Variants in CELSR1 observed in about 807,000 individuals in gnomAD.
The protein encoded by CELSR1 is adhesion G protein-coupled receptor C1.
CELSR1 carries 110 observed loss-of-function variants against 249.1 expected under a neutral mutation model. The ratio of observed to expected loss-of-function variants is 0.44; its 90% confidence interval spans 0.38 to 0.52. The LOEUF is 0.52. CELSR1 is among the 20% of genes least tolerant of loss of function. The pLI, the probability that CELSR1 is intolerant of heterozygous loss-of-function variation, is 0.00. For missense variants in CELSR1, 4,109 were observed against 4,296.4 expected (o/e 0.96, Z 1.22); for synonymous variants, 2,113 against 1,900.0 (o/e 1.11, Z -2.92).
Position 46,464,072 on chromosome 22 carries a change from T to C in CELSR1, c.3818A>G (p.Gln1273Arg). The change falls in exon 2 of 35, where the codon CAG becomes CGG. Residue 1273 changes from glutamine to arginine, a missense_variant. This residue lies in a region of CELSR1 where 141 missense variants were observed against 209.4 expected (regional missense o/e 0.67). Transcript: ENST00000674500. This position sits in a 1 kb window ranked among gnomAD's most constrained non-coding sequence, Gnocchi z 8.5. ...SALLPGGVRG[Q>R]FFPSEDLQEQ... ...CTGCAGGTCCTCCGACGGGAAGAACTGGCCGCGGACGCCGCCAGGCAGCAG... is the reference window on the plus strand; with the variant it reads ...CTGCAGGTCCTCCGACGGGAAGAACCGGCCGCGGACGCCGCCAGGCAGCAG... The C allele has an allele frequency of 3.1e-6, 5 of 1,613,798 alleles. No homozygotes were observed. Among genetic ancestry groups the C allele is most frequent in the Non-Finnish European group, 4.2e-6 (5 of 1,180,040 alleles).
rs1409417316 is a variant in CELSR1, at chr22:46,391,758, T to A, written c.6023A>T (p.His2008Leu). ...GTCGCAAGTGCGGCTGTGGGAGCCA[T>A]GGGGGAAGCAGTCGCAGGGCAGACA... Reference protein sequence around the residue: ...DTCLPCDCFPHGSHSRTCDMA... With the variant: ...DTCLPCDCFPLGSHSRTCDMA... Residue 2008 changes from histidine (H) to leucine (L), a missense_variant, in exon 15 of 35, where the codon CAT becomes CTT. His to Leu is a moderately conservative substitution (Grantham distance 99). Around this residue, in one of 7 missense-constraint regions of CELSR1, gnomAD observed 1,805 missense variants for 1,831.6 expected, o/e 0.99. Coordinates refer to ENST00000674500, the MANE Select transcript of CELSR1 (RefSeq NM_001378328.1). This position sits in a 1 kb window ranked among gnomAD's most constrained non-coding sequence, Gnocchi z 4.3. 1 of 1,612,542 alleles carries A rather than the reference T, an allele frequency of 6.2e-7. No individual in the cohort carries two copies.
intron 4 of CELSR1, among the ~76,000 whole-genome samples, 196 bp downstream of exon 4, chr22:46,435,978 C>T (rs1022189384): frequency 1.3e-5 from 2 of 152,194 alleles, no homozygotes; most frequent in African/African-American, 4.8e-5. Flanking sequence ...GGATTACAGG[C>T]GTGAGCCACC....
In CELSR1 at chr22:46,405,080, C is replaced by A. The variant is rs555893744; in HGVS notation, c.5226+3916G>T. On this transcript the variant is annotated intron_variant, in intron 9 of 34. Transcript: ENST00000674500. The stretch of plus-strand genomic sequence containing the variant: ...CCTCAGGTGATCCACCCGCCTCAGT[C>A]TCCCAAAGTGCTGGGATTACAGGCG... 1.7e-3 allele frequency among the ~76,000 whole-genome samples: 266 copies of A among 152,232 alleles called. 1 individual carries two copies. Among genetic ancestry groups the A allele is most frequent in the Non-Finnish European group, 3.2e-3 (218 of 68,008 alleles).
intron 1 of CELSR1, among the ~76,000 whole-genome samples, chr22:46,496,579 A>G (rs2080416072): frequency 6.6e-6 from 1 of 151,926 alleles, no homozygotes; most frequent in Admixed American, 6.6e-5. Context: ...AAAAATATAT[A>G]TATTTTTTCT....
Position 46,527,157 on chromosome 22 carries a change from TGGA to T in CELSR1, c.3544+6467_3544+6469del, listed in dbSNP as rs1446455262. Among the ~76,000 whole-genome samples the T allele has an allele frequency of 6.6e-6, 1 of 152,136 alleles. No homozygotes were observed. The highest frequency in any genetic ancestry group is 1.5e-5 in the Non-Finnish European group (1 of 68,010). On this transcript the variant is annotated intron_variant, in intron 1 of 34. Transcript: ENST00000674500. The surrounding 1 kb of genome is among the most constrained non-coding windows in gnomAD (Gnocchi z 5.5). ...ACTTTCCATACCACAGTGTGGCGGC[TGGA>T]AAACTGCAAGCGATGGGGCCTGCAG... is the stretch of plus-strand genomic sequence containing the variant.
intron 24 of CELSR1, among the ~76,000 whole-genome samples, chr22:46,373,325 C>CT (rs1401569735): frequency 6.6e-6 from 1 of 152,104 alleles, no homozygotes; most frequent in Admixed American, 6.5e-5. Context: ...AGACTAGTCT[C>CT]TGAGGCCATG....
rs559945152 is a variant in CELSR1, at chr22:46,412,241, G to A, written c.4612-482C>T. On this transcript the variant is annotated intron_variant, in intron 5 of 34. Coordinates refer to ENST00000674500, the MANE Select transcript of CELSR1 (RefSeq NM_001378328.1). This position sits in a 1 kb window ranked among gnomAD's most constrained non-coding sequence, Gnocchi z 4.5. ...TCGGAGGAGGCACGGCCCTACCCGC[G>A]CCTTGACTTCTAGGCACCAGACTGA... Among the ~76,000 whole-genome samples the A allele has an allele frequency of 5.9e-5, 9 of 152,248 alleles. No homozygotes were observed. The East Asian group carries it at 7.7e-4, about 13-fold the overall frequency.
intron 5 of CELSR1, among the ~76,000 whole-genome samples, chr22:46,414,277 G>A (rs532414870): frequency 2.0e-5 from 3 of 152,304 alleles, no homozygotes; most frequent in East Asian, 1.9e-4. Context: ...GACACCCACC[G>A]GCGGCCACTG....
Position 46,412,537 on chromosome 22 carries a change from C to A in CELSR1, c.4612-778G>T, listed in dbSNP as rs969543653. ...TCCCTCTCTGGGCCAGGATTGGGTA[C>A]AAGAGTTCTTCTGGAATCAGTGACC... On this transcript the variant is annotated intron_variant, in intron 5 of 34. Coordinates refer to ENST00000674500, the MANE Select transcript of CELSR1 (RefSeq NM_001378328.1). The surrounding 1 kb of genome is among the most constrained non-coding windows in gnomAD (Gnocchi z 4.5). 1.3e-5 allele frequency among the ~76,000 whole-genome samples: 2 copies of A among 152,178 alleles called. No homozygotes were observed. Among genetic ancestry groups the A allele is most frequent in the African/African-American group, 2.4e-5 (1 of 41,440 alleles).
At position 46,446,302 on chromosome 22, in the gene CELSR1, T is replaced by A. The variant is rs73890434; in HGVS notation, c.4184-6891A>T. On this transcript the variant is annotated intron_variant, in intron 2 of 34. Coordinates refer to ENST00000674500, the MANE Select transcript of CELSR1 (RefSeq NM_001378328.1). This position sits in a 1 kb window ranked among gnomAD's most constrained non-coding sequence, Gnocchi z 5.5. Reference sequence around the variant, plus strand: ...CTGGAGGCCACCCGCATCCCCTGGCTGTACCTGTCCTCTGCCTCGAGCACT... The same window carrying A: ...CTGGAGGCCACCCGCATCCCCTGGCAGTACCTGTCCTCTGCCTCGAGCACT... 0.041 allele frequency among the ~76,000 whole-genome samples: 6,276 copies of A among 152,298 alleles called. 445 individuals are homozygous for A. Among genetic ancestry groups the A allele is most frequent in the African/African-American group, 0.14 (5,842 of 41,528 alleles).
Position 46,417,151 on chromosome 22 carries a change from T to TCA in CELSR1, c.4612-5394_4612-5393dup. 6.6e-6 allele frequency among the ~76,000 whole-genome samples: 1 copy of TCA among 152,286 alleles called. No homozygotes were observed. The highest frequency in any genetic ancestry group is 2.1e-4 in the South Asian group (1 of 4,828). ...CTGTCATTTCTCAAGATGACAAAGTTCAGGCCTGTCTGGCCGACAAATGCC... is the reference window on the plus strand; with the variant it reads ...CTGTCATTTCTCAAGATGACAAAGTTCACAGGCCTGTCTGGCCGACAAATGCC... On this transcript the variant is annotated intron_variant, in intron 5 of 34. Coordinates refer to ENST00000674500, the MANE Select transcript of CELSR1 (RefSeq NM_001378328.1). The surrounding 1 kb of genome is among the most constrained non-coding windows in gnomAD (Gnocchi z 4.1).
chr22:46,486,141 G>A (rs62233274), intron 1 of CELSR1, among the ~76,000 whole-genome samples: 74,646 of 150,490 alleles, frequency 0.5, 18,712 homozygotes, highest in Admixed American at 0.55. Context: ...GGGTTTCACC[G>A]TGTTAGCCAG....
Position 46,367,014 on chromosome 22 carries a change from G to C in CELSR1, c.8184C>G (p.Thr2728=), listed in dbSNP as rs768832126. The change falls in exon 29 of 35, where the codon ACC becomes ACG. Residue 2728 remains threonine (T), a synonymous_variant. Transcript: ENST00000674500. ...GRKLHLEDSA[T]TRATLLTRSL... ...CTACCGTCAGCAGGGTGGCCCTGGT[G>C]GTGGCGGAGTCCTCCAGGTGCAGCT... 6.2e-7 allele frequency: 1 copy of C among 1,610,248 alleles called. No individual in the cohort carries two copies. The highest frequency in any genetic ancestry group is 8.5e-7 in the Non-Finnish European group (1 of 1,179,480).
rs1602050892 is a variant in CELSR1, at chr22:46,381,890, C to T, written c.7044G>A (p.Gly2348=). 1 of 1,574,460 alleles carries T rather than the reference C, an allele frequency of 6.4e-7. No individual in the cohort carries two copies. ...GGTCGTAGCGCTCGGGCAGGAGCTG[C>T]CCCAGGGTGCGGTAAATGATGACCA... ...VALVIIYRTL[G]QLLPERYDPD... Residue 2348 remains glycine (G), a synonymous_variant, in exon 21 of 35, where the codon GGG becomes GGA. Transcript: ENST00000674500. The surrounding 1 kb of genome is among the most constrained non-coding windows in gnomAD (Gnocchi z 6.0).
chr22:46,489,000 G>A lies in CELSR1; in HGVS notation c.3545-24655C>T, dbSNP rs1325631247. ...AGCATGCAGCAGTTGGGGTCACCGT[G>A]GCAGTAAGGGACATGTCAGCTCAGA... On this transcript the variant is annotated intron_variant, in intron 1 of 34. Coordinates refer to ENST00000674500, the MANE Select transcript of CELSR1 (RefSeq NM_001378328.1). This position sits in a 1 kb window ranked among gnomAD's most constrained non-coding sequence, Gnocchi z 4.7. Among the ~76,000 whole-genome samples the A allele has an allele frequency of 1.3e-5, 2 of 152,026 alleles. No homozygotes were observed. The highest frequency in any genetic ancestry group is 2.9e-5 in the Non-Finnish European group (2 of 68,026).
chr22:46,377,485 G>C (rs1409177930), intron 23 of CELSR1: 1 of 572,710 alleles, frequency 1.7e-6, no homozygotes, highest in East Asian at 3.0e-5. Flanking sequence ...GCCTGCGGCA[G>C]CACGCCAGGC....
chr22:46,433,937 C>A lies in CELSR1; in HGVS notation c.4523-456G>T, dbSNP rs1047578992. ...TGACCTCGTGATCTGCCTGCCTTGG[C>A]CTCCCAAACTGCTGGGATAACGGGC... On this transcript the variant is annotated intron_variant, in intron 4 of 34. Coordinates refer to ENST00000674500, the MANE Select transcript of CELSR1 (RefSeq NM_001378328.1). This position sits in a 1 kb window ranked among gnomAD's most constrained non-coding sequence, Gnocchi z 5.7. 1.3e-5 allele frequency among the ~76,000 whole-genome samples: 2 copies of A among 152,220 alleles called. No homozygotes were observed. Among genetic ancestry groups the A allele is most frequent in the Non-Finnish European group, 2.9e-5 (2 of 68,040 alleles).
intron 1 of CELSR1, among the ~76,000 whole-genome samples, chr22:46,521,448 T>C (rs2080684413): frequency 6.6e-6 from 1 of 150,412 alleles, no homozygotes; most frequent in African/African-American, 2.5e-5. Flanking sequence ...GAGCTTGCAG[T>C]GAGCCGAGAT....
intron 1 of CELSR1, among the ~76,000 whole-genome samples, chr22:46,497,902 G>GA (rs760866708): frequency 7.9e-5 from 12 of 152,234 alleles, no homozygotes; most frequent in Non-Finnish European, 1.5e-5. Flanking sequence ...AACAATGGGA[G>GA]AAAATGTGCT....
Sources: gnomAD v4.1 joint callset for allele counts (sites outside exome capture counted in the v4.1 genomes callset) on GRCh38, gnomAD v4.1.1 for gene constraint, gnomAD v4.1.1 regional missense constraint, Gnocchi (gnomAD v3.1) non-coding constraint, MANE v1.5 for transcripts, NCBI Gene and HGNC (gene_info 2026-07-23, HGNC 2026-07-21) for gene names.